SLC9A3: variants seen among roughly 807,000 people sequenced by gnomAD.
SLC9A3 encodes the protein sodium/hydrogen exchanger 3.
A neutral mutation model predicts 86.8 loss-of-function variants in SLC9A3; 37 were observed. The observed-to-expected ratio is 0.43, with a 90% CI of 0.33 to 0.56. The LOEUF (loss-of-function observed/expected upper bound fraction) is 0.56, where lower values mean the gene tolerates loss of function less well. Among genes scored for constraint, SLC9A3 ranks in the 20% least tolerant of loss-of-function variants. The pLI is 0.06. For synonymous variants in SLC9A3, 581 were observed against 528.3 expected (o/e 1.10, Z -1.37); for missense variants, 1,011 against 1,171.9 (o/e 0.86, Z 2.00).
chr5:506,458 C>G (rs968935336), intron 1 of SLC9A3, among the ~76,000 whole-genome samples: 1 of 152,168 alleles, frequency 6.6e-6, no homozygotes, highest in East Asian at 1.9e-4. Context: ...GGGGTCCTCC[C>G]GAGGGGCCCC....
intron 15 of SLC9A3, 54 bp downstream of exon 15, chr5:475,507 G>GC (rs55720119): frequency 1.9e-6 from 2 of 1,038,032 alleles, no homozygotes; most frequent in Non-Finnish European, 2.9e-6. Context: ...GCTCCCTCCT[G>GC]GGGCGGCAGG....
intron 2 of SLC9A3, among the ~76,000 whole-genome samples, chr5:489,127 C>G (rs957750724): frequency 6.6e-6 from 1 of 152,138 alleles, no homozygotes; most frequent in African/African-American, 2.4e-5. Flanking sequence ...GTTCAGGCCT[C>G]GAGGAGGCCA....
At chr5:502,474 G>A (rs1034621402) in intron 1 of SLC9A3, among the ~76,000 whole-genome samples, 34 of 152,244 alleles carry the variant, frequency 2.2e-4, no homozygotes, top group Non-Finnish European at 4.1e-4. Flanking sequence ...AGGGGCCGCA[G>A]CGGAGCACAG....
chr5:519,832 G>T (rs1733833777), intron 1 of SLC9A3, among the ~76,000 whole-genome samples: 1 of 152,130 alleles, frequency 6.6e-6, no homozygotes, highest in African/African-American at 2.4e-5. Context: ...CTCAGAGGGG[G>T]GTGGGGGGGC....
chr5:524,310 C>T lies in SLC9A3; in HGVS notation c.13G>A (p.Gly5Arg). 2 of 1,275,486 alleles carry T rather than the reference C, an allele frequency of 1.6e-6. No homozygotes were observed. Among genetic ancestry groups the T allele is most frequent in the Non-Finnish European group, 2.0e-6 (2 of 1,006,250 alleles). The allele number at this position is 1,275,486 out of a possible 1,614,324, so 79.0% of individuals were successfully genotyped here. A position where few individuals can be genotyped will look rare whatever the true frequency, so the allele number is the denominator to read the frequency against. Residue 5 changes from glycine (G) to arginine (R), a missense_variant, in exon 1 of 17, where the codon GGG becomes AGG. Physicochemically the swap from Gly to Arg is moderately radical, Grantham distance 125. This residue lies in a region of SLC9A3 where 49 missense variants were observed against 35.6 expected (regional missense o/e 1.38). Transcript: ENST00000264938. ...AGCCCCCGGTCGGGGCCCCGGGCCCCGAGTCCCCACATTGCCGCCTGCTCA... is the reference window on the plus strand; with the variant it reads ...AGCCCCCGGTCGGGGCCCCGGGCCCTGAGTCCCCACATTGCCGCCTGCTCA... Reference protein sequence around the residue: MWGLGARGPDRGLLL... With the variant: MWGLRARGPDRGLLL...
chr5:473,843 C>G (rs1738541838), intron 16 of SLC9A3, among the ~76,000 whole-genome samples: 1 of 152,222 alleles, frequency 6.6e-6, no homozygotes, highest in Admixed American at 6.5e-5. Context: ...CCGGCCCTCC[C>G]TGTATCCCTG....
In SLC9A3 at chr5:524,385, C is replaced by T. The variant is rs59934269; in HGVS notation, c.-63G>A. The stretch of plus-strand genomic sequence containing the variant: ...GCGGGGGGTCCCGGCTGGGCTGGGC[C>T]GACGCGCGGGGCTGGGACCCGGCGA... On this transcript the variant is annotated 5_prime_UTR_variant, in exon 1 of 17. Transcript: ENST00000264938. 1.2e-3 allele frequency: 885 copies of T among 723,248 alleles called. 10 individuals are homozygous for T. The African/African-American group carries it at 0.016, about 13-fold the overall frequency. The allele number at this position is 723,248 out of a possible 1,614,324, so 44.8% of individuals were successfully genotyped here. A position where few individuals can be genotyped will look rare whatever the true frequency, so the allele number is the denominator to read the frequency against.
chr5:507,316 C>T (rs1477224014), intron 1 of SLC9A3, among the ~76,000 whole-genome samples: 42 of 144,744 alleles, frequency 2.9e-4, no homozygotes, highest in Admixed American at 1.2e-3. Context: ...TACAGGCGCC[C>T]GCCACCACGC....
chr5:476,123 C>G (rs1738711279), intron 13 of SLC9A3, 31 bp from the exon 14 acceptor site: 1 of 1,612,416 alleles, frequency 6.2e-7, no homozygotes, highest in African/African-American at 1.3e-5. Context: ...TGCTCACACC[C>G]CGACACAGCC....
In SLC9A3 at chr5:473,165, C is replaced by CCCCGCCCCCGGCGCAGGT; in HGVS notation, c.*213_*214insACCTGCGCCGGGGGCGGG. ...GCTCCGGCCCCGCCCCCGGCGCAGG[C>CCCCGCCCCCGGCGCAGGT]CCCGCCCCCGGCTCGCCCTCGGGCG... is the stretch of plus-strand genomic sequence containing the variant. On this transcript the variant is annotated 3_prime_UTR_variant, in exon 17 of 17. Transcript: ENST00000264938. 4 of 433,864 alleles carry CCCCGCCCCCGGCGCAGGT rather than the reference C, an allele frequency of 9.2e-6. No homozygotes were observed. Among genetic ancestry groups the CCCCGCCCCCGGCGCAGGT allele is most frequent in the Non-Finnish European group, 1.4e-5 (4 of 276,778 alleles). 26.9% of individuals were successfully genotyped at this position (433,864 alleles called of 1,614,324 possible). A position where few individuals can be genotyped will look rare whatever the true frequency, so the allele number is the denominator to read the frequency against.
intron 6 of SLC9A3, 95 bp from the exon 7 acceptor site, chr5:482,845 T>A: frequency 3.0e-6 from 3 of 1,000,732 alleles, no homozygotes; most frequent in Non-Finnish European, 4.4e-6. Context: ...GCCAAGCATG[T>A]GCTGACGAAG....
chr5:480,080 C>T (rs1579773621), intron 9 of SLC9A3, 115 bp from the exon 10 acceptor site: 24 of 1,227,236 alleles, frequency 2.0e-5, no homozygotes, highest in East Asian at 1.9e-4. Flanking sequence ...ACCCTGTAGG[C>T]GCGTTTAAAA....
At chr5:504,942 A>G (rs1450498209) in intron 1 of SLC9A3, among the ~76,000 whole-genome samples, 1 of 151,474 alleles carries the variant, frequency 6.6e-6, no homozygotes, top group Non-Finnish European at 1.5e-5. Flanking sequence ...TGCAGGGCAC[A>G]GTGGCCACGT....
chr5:522,462 GA>G (rs1265929646), intron 1 of SLC9A3, among the ~76,000 whole-genome samples: 1 of 152,236 alleles, frequency 6.6e-6, no homozygotes, highest in Non-Finnish European at 1.5e-5. Flanking sequence ...AGCTTGTACA[GA>G]AATTAGATAT....
intron 15 of SLC9A3, 130 bp downstream of exon 15, chr5:475,431 G>A (rs971112350): frequency 7.9e-5 from 51 of 648,934 alleles, no homozygotes; most frequent in Non-Finnish European, 1.2e-4. Context: ...GTGCCAAGCA[G>A]GGCCCTTGAG....
chr5:483,237 C>A (rs34562440), intron 6 of SLC9A3, 25 bp downstream of exon 6: 1 of 1,509,608 alleles, frequency 6.6e-7, no homozygotes, highest in Admixed American at 2.0e-5. Flanking sequence ...GGTGGTCCCA[C>A]GGCCGCAACC....
At position 473,519 on chromosome 5, in the gene SLC9A3, G is replaced by T. The variant is rs1186434453; in HGVS notation, c.2502-137C>A. Reference sequence around the variant, plus strand: ...GCGGCGCACCCCAGGCTCGGCGTCCGCTGGGGCCTCCTCCCAGGACCCGGG... The same window carrying T: ...GCGGCGCACCCCAGGCTCGGCGTCCTCTGGGGCCTCCTCCCAGGACCCGGG... On this transcript the variant is annotated intron_variant, in intron 16 of 16. Transcript: ENST00000264938. The T allele has an allele frequency of 4.6e-6, 3 of 655,550 alleles. No individual in the cohort carries two copies. The Admixed American group carries it at 1.3e-4, about 29-fold the overall frequency. The allele number at this position is 655,550 out of a possible 1,614,324, so 40.6% of individuals were successfully genotyped here.
In SLC9A3 at chr5:476,377, T is replaced by C. The variant is rs758777416; in HGVS notation, c.1892A>G (p.Tyr631Cys). ...CTCGTGTCGGCTGTACAGATGCTTG[T>C]ACTGCGGGATCAGGCACGGAGGTCA... is the stretch of plus-strand genomic sequence containing the variant. ...QQYLYKPRQE[Y>C]KHLYSRHELT... Residue 631 changes from tyrosine to cysteine, a missense_variant and splice_region_variant, in exon 13 of 17, where the codon TAC becomes TGC. This residue lies in a region of SLC9A3 where 397 missense variants were observed against 346.3 expected (regional missense o/e 1.15). Transcript: ENST00000264938. 3.1e-6 allele frequency: 5 copies of C among 1,613,650 alleles called. No individual in the cohort carries two copies. The highest frequency in any genetic ancestry group is 4.5e-5 in the East Asian group (2 of 44,882).
chr5:523,178 C>A (rs1006573580), intron 1 of SLC9A3, among the ~76,000 whole-genome samples: 2 of 152,264 alleles, frequency 1.3e-5, no homozygotes, highest in Admixed American at 1.3e-4. Flanking sequence ...AAGGAAAAGG[C>A]GCCTTCTCCA....
Sources: gnomAD v4.1 joint callset for allele counts (sites outside exome capture counted in the v4.1 genomes callset) on GRCh38, gnomAD v4.1.1 for gene constraint, gnomAD v4.1.1 regional missense constraint, MANE v1.5 for transcripts, NCBI Gene and HGNC (gene_info 2026-07-23, HGNC 2026-07-21) for gene names.